LRRC4C: variants seen among roughly 807,000 people sequenced by gnomAD.
The protein encoded by LRRC4C is leucine rich repeat containing 4C, also known as leucine-rich repeat-containing protein 4C.
In LRRC4C, 5 loss-of-function variants were observed where a neutral mutation model predicts 33.6. That is an observed-to-expected ratio of 0.15 (90% confidence interval 0.08 to 0.31). LRRC4C has a LOEUF of 0.31. LRRC4C is among the 10% of genes least tolerant of loss of function. The pLI, the probability that LRRC4C is intolerant of heterozygous loss-of-function variation, is 1.00. For missense variants in LRRC4C, 560 were observed against 796.7 expected, an observed-to-expected ratio of 0.70 and a Z score of 3.58; for synonymous variants, 329 against 302.0, an observed-to-expected ratio of 1.09 and a Z score of -0.93.
intron 2 of LRRC4C, among the ~76,000 whole-genome samples, chr11:40,710,799 C>G (rs916459704): frequency 1.2e-4 from 19 of 152,182 alleles, no homozygotes; most frequent in Non-Finnish European, 2.4e-4. Flanking sequence ...TACCCTGCCC[C>G]CAGAGGTGGA....
intron 1 of LRRC4C, among the ~76,000 whole-genome samples, chr11:40,942,645 C>G (rs1958209177): frequency 6.6e-6 from 1 of 152,068 alleles, no homozygotes; most frequent in African/African-American, 2.4e-5. Context: ...GTGAGTTATA[C>G]AAAGTGGTTT....
chr11:41,015,427 C>T (rs2137590755), intron 1 of LRRC4C, among the ~76,000 whole-genome samples: 1 of 152,216 alleles, frequency 6.6e-6, no homozygotes, highest in South Asian at 2.1e-4. Context: ...CTCTTGAGTT[C>T]AAGCAATTCT....
At chr11:41,336,348 A>G (rs1167245687) in intron 1 of LRRC4C, among the ~76,000 whole-genome samples, 1 of 152,074 alleles carries the variant, frequency 6.6e-6, no homozygotes, top group African/African-American at 2.4e-5. Flanking sequence ...TTAAGAACAC[A>G]TAATTGTTTA....
intron 2 of LRRC4C, among the ~76,000 whole-genome samples, chr11:40,656,746 T>C (rs768086353): frequency 2.0e-5 from 3 of 152,206 alleles, no homozygotes; most frequent in Non-Finnish European, 4.4e-5. Flanking sequence ...AAAAGTGTTA[T>C]ATCCCTCTAG....
chr11:40,559,565 C>G (rs1957467001), intron 3 of LRRC4C, among the ~76,000 whole-genome samples: 1 of 152,104 alleles, frequency 6.6e-6, no homozygotes, highest in African/African-American at 2.4e-5. Flanking sequence ...GATGGTAGTT[C>G]TGCTTTTAGC....
intron 1 of LRRC4C, among the ~76,000 whole-genome samples, chr11:41,068,397 C>G (rs1321431524): frequency 6.6e-6 from 1 of 151,026 alleles, no homozygotes; most frequent in African/African-American, 2.4e-5. Flanking sequence ...TCCCCTCCCC[C>G]CAACAAAAAA....
intron 1 of LRRC4C, among the ~76,000 whole-genome samples, chr11:41,241,621 AT>A (rs1565510290): frequency 6.6e-6 from 1 of 152,142 alleles, no homozygotes; most frequent in African/African-American, 2.4e-5. Flanking sequence ...AATTTTACCA[AT>A]ATCTATCATC....
chr11:40,473,523 T>G (rs1953050244), intron 3 of LRRC4C, among the ~76,000 whole-genome samples: 1 of 152,246 alleles, frequency 6.6e-6, no homozygotes, highest in South Asian at 2.1e-4. Flanking sequence ...ACTGGAAGCA[T>G]TCCCTTTGAC....
At chr11:41,230,918 A>AC (rs1380009388) in intron 1 of LRRC4C, among the ~76,000 whole-genome samples, 2 of 140,324 alleles carry the variant, frequency 1.4e-5, no homozygotes, top group Non-Finnish European at 3.1e-5. Context: ...AAAAAAAAAA[A>AC]AAAAACCAAA....
intron 3 of LRRC4C, among the ~76,000 whole-genome samples, chr11:40,615,265 T>TATATATATATATATATACAC (rs1490740198): frequency 3.7e-5 from 2 of 53,444 alleles, no homozygotes; most frequent in Non-Finnish European, 6.5e-5. Flanking sequence ...TATATATATA[T>TATATATATATATATATACAC]ACACACACAC....
At chr11:40,340,526 A>G (rs1026314004) in intron 3 of LRRC4C, among the ~76,000 whole-genome samples, 2 of 152,196 alleles carry the variant, frequency 1.3e-5, no homozygotes, top group South Asian at 2.1e-4. Flanking sequence ...ATTAATATGT[A>G]TAAGTATAAA....
At chr11:40,910,376 C>T (rs191243913) in intron 2 of LRRC4C, among the ~76,000 whole-genome samples, 39 of 152,068 alleles carry the variant, frequency 2.6e-4, no homozygotes, top group Admixed American at 2.5e-3. Context: ...GAAAAAAACC[C>T]GGAGATGTTC....
At chr11:40,666,337 G>C (rs1001812997) in intron 2 of LRRC4C, among the ~76,000 whole-genome samples, 1 of 152,068 alleles carries the variant, frequency 6.6e-6, no homozygotes, top group African/African-American at 2.4e-5. Flanking sequence ...CATGGTGAGG[G>C]TATAAACGTA....
At chr11:40,281,639 A>G (rs1331518497) in intron 4 of LRRC4C, among the ~76,000 whole-genome samples, 1 of 152,184 alleles carries the variant, frequency 6.6e-6, no homozygotes, top group Non-Finnish European at 1.5e-5. Context: ...TTGAAAGAAA[A>G]CATGTCCATT....
At chr11:41,149,144 T>C (rs1943867034) in intron 1 of LRRC4C, among the ~76,000 whole-genome samples, 1 of 152,152 alleles carries the variant, frequency 6.6e-6, no homozygotes, top group Non-Finnish European at 1.5e-5. Flanking sequence ...TTGACTATAA[T>C]ATGCTTTTAG....
intron 1 of LRRC4C, among the ~76,000 whole-genome samples, chr11:41,210,451 G>A (rs1488587655): frequency 6.6e-6 from 1 of 152,062 alleles, no homozygotes; most frequent in African/African-American, 2.4e-5. Context: ...TTCTCTTTCT[G>A]CCATGATTGT....
rs576323537 is a variant in LRRC4C at position 41,395,450 on chromosome 11, T to A, written c.-496+63981A>T. Among the ~76,000 whole-genome samples the A allele has an allele frequency of 3.9e-5, 6 of 152,050 alleles. No individual in the cohort carries two copies. In the South Asian group the frequency reaches 1.2e-3, roughly 32 times the overall value. Reference sequence around the variant, plus strand: ...TAAATAGCAGCTGTGGCAACATAGATTATGATTGGACCATCACTATAATTT... The same window carrying A: ...TAAATAGCAGCTGTGGCAACATAGAATATGATTGGACCATCACTATAATTT... On this transcript the variant is annotated intron_variant, in intron 1 of 6. Coordinates refer to ENST00000528697, the MANE Select transcript of LRRC4C (RefSeq NM_001258419.2).
At chr11:41,404,446 G>A (rs1591442568) in intron 1 of LRRC4C, among the ~76,000 whole-genome samples, 1 of 151,362 alleles carries the variant, frequency 6.6e-6, no homozygotes, top group East Asian at 2.0e-4. Context: ...GGATGTCTCT[G>A]ATCTCCGACA....
intron 1 of LRRC4C, among the ~76,000 whole-genome samples, chr11:41,103,367 C>G (rs1941310229): frequency 6.6e-6 from 1 of 151,858 alleles, no homozygotes; most frequent in African/African-American, 2.4e-5. Context: ...AGCATTTCCC[C>G]TCAATCAATC....
Sources: allele counts gnomAD v4.1 joint callset (sites outside exome capture counted in the v4.1 genomes callset), GRCh38; gene constraint gnomAD v4.1.1; transcripts MANE v1.5; gene names NCBI Gene and HGNC (gene_info 2026-07-23, HGNC 2026-07-21).